Variants in RBM19 observed in about 807,000 individuals in gnomAD.
RBM19 encodes the protein probable RNA-binding protein 19.
RBM19 carries 94 observed loss-of-function variants against 116.8 expected under a neutral mutation model. The ratio of observed to expected loss-of-function variants is 0.80; its 90% CI spans 0.68 to 0.95. The LOEUF is 0.95. RBM19 is among the 40% of genes least tolerant of loss of function. The pLI is 0.00. For missense variants in RBM19, 1,161 were observed against 1,220.7 expected, an observed-to-expected ratio of 0.95 and a Z score of 0.73; for synonymous variants, 475 against 494.1, an observed-to-expected ratio of 0.96 and a Z score of 0.51.
intron 20 of RBM19, among the ~76,000 whole-genome samples, chr12:113,916,332 A>T (rs1882770645): frequency 6.6e-6 from 1 of 152,182 alleles, no homozygotes; most frequent in Admixed American, 6.5e-5. Flanking sequence ...GCTTGAACCC[A>T]GGAGGCGGAG....
At position 113,927,119 on chromosome 12, in the gene RBM19, G is replaced by A; in HGVS notation, c.2179C>T (p.Leu727Phe). 1 of 1,613,336 alleles carries A rather than the reference G, an allele frequency of 6.2e-7. No individual in the cohort carries two copies. Among genetic ancestry groups the A allele is most frequent in the African/African-American group, 1.3e-5 (1 of 75,032 alleles). The change falls in exon 17 of 24, where the codon CTC (leucine) becomes TTC (phenylalanine). Residue 727 changes from leucine to phenylalanine, a missense_variant. Leu to Phe is a conservative substitution (Grantham distance 22, BLOSUM62 0). Transcript: ENST00000261741. Reference sequence around the variant, plus strand: ...TTAATAAACAGAGTACATCCTGGGAGGCTCTCTTCTTCTTCTTCCTCTTCC... The same window carrying A: ...TTAATAAACAGAGTACATCCTGGGAAGCTCTCTTCTTCTTCTTCCTCTTCC... The part of the protein sequence containing the change: ...EEEEEEEEES[L>F]PGCTLFIKNL...
chr12:113,912,953 C>T (rs1210101803), intron 21 of RBM19, among the ~76,000 whole-genome samples: 3 of 152,132 alleles, frequency 2.0e-5, no homozygotes, highest in Non-Finnish European at 4.4e-5. Flanking sequence ...ATAGCAGGTA[C>T]GGCCCTCCAA....
At chr12:113,964,761 C>G (rs967750745) in intron 1 of RBM19, among the ~76,000 whole-genome samples, 3 of 150,914 alleles carry the variant, frequency 2.0e-5, no homozygotes, top group African/African-American at 7.3e-5. Flanking sequence ...GTACACTCCT[C>G]AAATATACAG....
At chr12:113,919,151 A>T (rs1177490450) in intron 19 of RBM19, among the ~76,000 whole-genome samples, 1 of 152,230 alleles carries the variant, frequency 6.6e-6, no homozygotes, top group Non-Finnish European at 1.5e-5. Flanking sequence ...GTGGGGCATT[A>T]TGAAGGGAAC....
At position 113,924,490 on chromosome 12, in the gene RBM19, G is replaced by C. The variant is rs113367282; in HGVS notation, c.2305+207C>G. Among the ~76,000 whole-genome samples the C allele has an allele frequency of 1.1e-3, 168 of 152,296 alleles. 1 individual carries two copies. The highest frequency in any genetic ancestry group is 3.8e-3 in the African/African-American group (158 of 41,574). On this transcript the variant is annotated intron_variant, in intron 18 of 23. Coordinates refer to ENST00000261741, the MANE Select transcript of RBM19 (RefSeq NM_016196.4). ...GGTTCAGAAGGATCTGACCCAAGAG[G>C]CTGCTTCGACTGGAAAGGAGACTCC...
intron 21 of RBM19, among the ~76,000 whole-genome samples, chr12:113,913,973 G>A (rs1882614927): frequency 6.6e-6 from 1 of 152,154 alleles, no homozygotes; most frequent in African/African-American, 2.4e-5. Flanking sequence ...GGGGGGCCTT[G>A]GCTTCAAGCA....
chr12:113,948,546 C>T (rs1043329992), intron 10 of RBM19, among the ~76,000 whole-genome samples: 1 of 152,184 alleles, frequency 6.6e-6, no homozygotes, highest in South Asian at 2.1e-4. Context: ...AAAAGTCATC[C>T]GAATTGCTTC....
chr12:113,938,085 T>C (rs1870231363), intron 15 of RBM19, among the ~76,000 whole-genome samples: 2 of 152,054 alleles, frequency 1.3e-5, no homozygotes. Flanking sequence ...AAGACAGCAG[T>C]CTTCTTGTCG....
At chr12:113,947,568 G>A in intron 10 of RBM19, 104 bp from the exon 11 acceptor site, 1 of 1,284,636 alleles carries the variant, frequency 7.8e-7, no homozygotes, top group Non-Finnish European at 1.1e-6. Flanking sequence ...GGTCATGGGT[G>A]TCATTTCCCA....
intron 21 of RBM19, among the ~76,000 whole-genome samples, chr12:113,912,484 G>A (rs570230212): frequency 1.3e-5 from 2 of 152,338 alleles, no homozygotes; most frequent in South Asian, 4.1e-4. Context: ...GGGGCTCTGG[G>A]TTAGGCTGAC....
intron 22 of RBM19, among the ~76,000 whole-genome samples, chr12:113,857,145 A>G (rs1195897511): frequency 1.3e-5 from 2 of 152,230 alleles, no homozygotes; most frequent in Admixed American, 6.5e-5. Context: ...TCACTGCCCA[A>G]TCCCCTTGGA....
intron 17 of RBM19, among the ~76,000 whole-genome samples, chr12:113,926,662 G>A (rs1447002025): frequency 6.6e-6 from 1 of 152,156 alleles, no homozygotes; most frequent in African/African-American, 2.4e-5. Flanking sequence ...GGATTCCAGG[G>A]TCAAGCCCAG....
intron 21 of RBM19, among the ~76,000 whole-genome samples, chr12:113,885,686 G>C (rs1880464972): frequency 6.6e-6 from 1 of 151,996 alleles, no homozygotes; most frequent in African/African-American, 2.4e-5. Context: ...ACTTTCAAAT[G>C]GTTCAGAAAA....
intron 5 of RBM19, 61 bp downstream of exon 5, chr12:113,959,151 G>T: frequency 1.3e-6 from 2 of 1,549,260 alleles, no homozygotes; most frequent in South Asian, 2.4e-5. Flanking sequence ...CCCCAGTGCC[G>T]GTTAGCCCAA....
At chr12:113,907,080 C>T (rs1383459395) in intron 21 of RBM19, among the ~76,000 whole-genome samples, 1 of 152,134 alleles carries the variant, frequency 6.6e-6, no homozygotes, top group Non-Finnish European at 1.5e-5. Flanking sequence ...CTGCCCACAC[C>T]TTGAACTGGG....
At chr12:113,945,945 A>G (rs1435324204) in intron 12 of RBM19, 21 bp from the exon 13 acceptor site, 1 of 1,527,750 alleles carries the variant, frequency 6.5e-7, no homozygotes, top group Admixed American at 1.7e-5. Context: ...GAGGCAGAAC[A>G]GGGAGATCAG....
chr12:113,930,262 G>A (rs1019637295), intron 16 of RBM19, among the ~76,000 whole-genome samples: 3 of 152,200 alleles, frequency 2.0e-5, no homozygotes, highest in Non-Finnish European at 4.4e-5. Flanking sequence ...TGCCCGGCGT[G>A]GCATTCCAGG....
intron 21 of RBM19, among the ~76,000 whole-genome samples, chr12:113,878,419 C>T (rs1016892835): frequency 1.3e-5 from 2 of 152,174 alleles, no homozygotes; most frequent in South Asian, 2.1e-4. Flanking sequence ...ACCTCTGCCT[C>T]CCAATGTGTC....
intron 14 of RBM19, among the ~76,000 whole-genome samples, chr12:113,941,135 C>T (rs1870536621): frequency 6.6e-6 from 1 of 152,140 alleles, no homozygotes; most frequent in African/African-American, 2.4e-5. Context: ...TTTCTGTGGG[C>T]CTCAATTTTT....
Sources: gnomAD v4.1 joint callset for allele counts (sites outside exome capture counted in the v4.1 genomes callset) on GRCh38, gnomAD v4.1.1 for gene constraint, MANE v1.5 for transcripts, NCBI Gene and HGNC (gene_info 2026-07-23, HGNC 2026-07-21) for gene names.